Variants in FAM120C observed in about 807,000 individuals in gnomAD.
FAM120C encodes family with sequence similarity 120 member C.
A neutral mutation model predicts 71.2 loss-of-function variants in FAM120C; 14 were observed. The ratio of observed to expected loss-of-function variants is 0.20; its 90% CI spans 0.13 to 0.31. The LOEUF (loss-of-function observed/expected upper bound fraction) is 0.31. FAM120C is among the 10% of genes least tolerant of loss of function. The pLI, the probability that FAM120C is intolerant of heterozygous loss-of-function variation, is 1.00. For missense variants in FAM120C, 500 were observed against 879.0 expected (o/e 0.57, Z 5.45); for synonymous variants, 354 against 353.2 (o/e 1.00, Z -0.03).
chrX:54,167,424 A>G (rs996066491), intron 1 of FAM120C, among the ~76,000 whole-genome samples: 1 of 111,817 alleles, frequency 8.9e-6, no homozygotes, highest in Non-Finnish European at 1.9e-5. Flanking sequence ...AAAACAGCAC[A>G]TTTGAGTTTT....
In FAM120C at chrX:54,149,369, A is replaced by T. The variant is rs190849249; in HGVS notation, c.1158+1876T>A. Among the ~76,000 whole-genome samples the T allele has an allele frequency of 6.3e-5, 7 of 111,808 alleles. No individual in the cohort carries two copies. In the East Asian group the frequency reaches 1.7e-3, roughly 27 times the overall value. ...TATCACATACTGGGCCGGACGCGGT[A>T]GCTCACGCCTGTAATCCCAGCACTT... On this transcript the variant is annotated intron_variant, in intron 4 of 15. Transcript: ENST00000375180.
At chrX:54,083,512 G>A (rs1386302544) in intron 13 of FAM120C, among the ~76,000 whole-genome samples, 1 of 106,359 alleles carries the variant, frequency 9.4e-6, no homozygotes, top group Non-Finnish European at 1.9e-5. Flanking sequence ...GTGCATGCTT[G>A]TAGTTCCAGC....
At chrX:54,164,092 C>T (rs1181330811) in intron 1 of FAM120C, among the ~76,000 whole-genome samples, 7 of 110,310 alleles carry the variant, frequency 6.3e-5, no homozygotes, top group Non-Finnish European at 9.5e-5. Context: ...CCACCAGGTC[C>T]GGCTAATTTT....
At chrX:54,128,761 CAT>C (rs781824845) in intron 9 of FAM120C, among the ~76,000 whole-genome samples, 4 of 111,852 alleles carry the variant, frequency 3.6e-5, no homozygotes, top group South Asian at 3.7e-4. Context: ...GGACACAGCA[CAT>C]GTTTCAGAGA....
At position 54,071,616 on chromosome X, in the gene FAM120C, C is replaced by G. The variant is rs1278166783; in HGVS notation, c.*1417G>C. On this transcript the variant is annotated 3_prime_UTR_variant, in exon 16 of 16. Coordinates refer to ENST00000375180, the MANE Select transcript of FAM120C (RefSeq NM_017848.6). ...CAAATGGTAGTCACCTCCCATCCCC[C>G]CTTTTCTCTCCAAACCTTCATAAGG... 2 of 112,039 alleles carry G rather than the reference C, an allele frequency of 1.8e-5. No homozygotes were observed. Among genetic ancestry groups the G allele is most frequent in the African/African-American group, 6.5e-5 (2 of 30,837 alleles). The allele number at this position is 112,039 out of a possible 1,213,427, so 9.2% of individuals were successfully genotyped here.
intron 4 of FAM120C, among the ~76,000 whole-genome samples, chrX:54,149,981 C>A (rs1159184063): frequency 5.4e-5 from 6 of 112,006 alleles, no homozygotes; most frequent in Non-Finnish European, 1.1e-4. Context: ...AGAATAAAAT[C>A]CCAGTTGAGC....
chrX:54,150,622 T>C (rs782778485), intron 4 of FAM120C, among the ~76,000 whole-genome samples: 19 of 111,114 alleles, frequency 1.7e-4, no homozygotes, highest in Non-Finnish European at 1.5e-4. Context: ...ATGTGTACAC[T>C]GAAACAAAAA....
At chrX:54,134,743 C>A (rs1603359466) in intron 7 of FAM120C, 88 bp downstream of exon 7, 1 of 982,770 alleles carries the variant, frequency 1.0e-6, no homozygotes, top group African/African-American at 1.9e-5. Context: ...CAGGAATACA[C>A]TTTCCCACAC....
chrX:54,080,350 CT>C, intron 14 of FAM120C, 61 bp from the exon 15 acceptor site: 12 of 943,610 alleles, frequency 1.3e-5, no homozygotes, highest in Non-Finnish European at 1.8e-5. Flanking sequence ...CCCCTTTTCA[CT>C]TGGTTAACTA....
intron 10 of FAM120C, among the ~76,000 whole-genome samples, chrX:54,096,212 G>A (rs923201336): frequency 9.2e-6 from 1 of 108,649 alleles, no homozygotes; most frequent in African/African-American, 3.3e-5. Flanking sequence ...GGAGTTTTAG[G>A]CCAGCGTGAC....
chrX:54,108,596 C>A (rs1557125196), intron 10 of FAM120C, among the ~76,000 whole-genome samples: 1 of 111,178 alleles, frequency 9.0e-6, no homozygotes, highest in Non-Finnish European at 1.9e-5. Flanking sequence ...GGCAGTGAAA[C>A]AAAATAGAAT....
intron 4 of FAM120C, among the ~76,000 whole-genome samples, chrX:54,137,290 C>T (rs1008838830): frequency 9.0e-6 from 1 of 111,634 alleles, no homozygotes; most frequent in African/African-American, 3.2e-5. Context: ...GTTTTAAACT[C>T]CTGGCCTCAA....
At chrX:54,116,324 CTA>C (rs1557126602) in intron 10 of FAM120C, among the ~76,000 whole-genome samples, 1 of 111,026 alleles carries the variant, frequency 9.0e-6, no homozygotes, top group Non-Finnish European at 1.9e-5. Flanking sequence ...AAAAACTAAA[CTA>C]AAACCAAATA....
At chrX:54,150,675 T>G (rs1411497780) in intron 4 of FAM120C, among the ~76,000 whole-genome samples, 2 of 111,141 alleles carry the variant, frequency 1.8e-5, no homozygotes, top group African/African-American at 6.5e-5. Flanking sequence ...TATAGCAAGT[T>G]GTTTATGGGT....
chrX:54,171,535 CTTTTT>C (rs782050649), intron 1 of FAM120C: 12 of 111,232 alleles, frequency 1.1e-4, no homozygotes, highest in Non-Finnish European at 2.1e-4. Context: ...TATCATTACA[CTTTTT>C]TTTTGTTTGT....
chrX:54,132,901 G>C (rs782231672), intron 8 of FAM120C, 38 bp from the exon 9 acceptor site: 16 of 1,116,845 alleles, frequency 1.4e-5, no homozygotes, highest in African/African-American at 1.8e-5. Context: ...GAAAAAATGA[G>C]TTACCTCAAG....
chrX:54,146,370 A>G (rs1557132387), intron 4 of FAM120C, among the ~76,000 whole-genome samples: 1 of 112,053 alleles, frequency 8.9e-6, no homozygotes, highest in African/African-American at 3.2e-5. Context: ...AGGAACAAAT[A>G]TAGATAACAG....
intron 10 of FAM120C, among the ~76,000 whole-genome samples, chrX:54,101,030 T>A (rs903654614): frequency 1.8e-5 from 2 of 111,787 alleles, no homozygotes; most frequent in Non-Finnish European, 3.8e-5. Context: ...GGGATCTCTG[T>A]GGTGGCTCTG....
chrX:54,127,596 A>AAG (rs1207096268), intron 9 of FAM120C, among the ~76,000 whole-genome samples: 1 of 106,946 alleles, frequency 9.4e-6, no homozygotes, highest in African/African-American at 3.4e-5. Context: ...AAAAAAAAAA[A>AAG]AAAAAAAAAG....
Sources: allele counts gnomAD v4.1 joint callset (sites outside exome capture counted in the v4.1 genomes callset), GRCh38; gene constraint gnomAD v4.1.1; transcripts MANE v1.5; gene names NCBI Gene and HGNC (gene_info 2026-07-23, HGNC 2026-07-21).